The following WWOX variants were observed in gnomAD, a reference collection of about 807,000 sequenced individuals.
WWOX encodes the protein WW domain containing oxidoreductase.
WWOX carries 69 observed loss-of-function variants against 46.2 expected under a neutral mutation model. The observed-to-expected ratio is 1.49, with a 90% CI of 1.23 to 1.82. The LOEUF is 1.82. WWOX is among the 40% of genes most tolerant of loss of function. The pLI is 0.00. For synonymous variants in WWOX, 359 were observed against 202.6 expected, an observed-to-expected ratio of 1.77 and a Z score of -6.56; for missense variants, 919 against 542.6, an observed-to-expected ratio of 1.69 and a Z score of -6.89.
intron 5 of WWOX, among the ~76,000 whole-genome samples, chr16:78,177,417 A>G (rs1384717033): frequency 6.6e-6 from 1 of 152,164 alleles, no homozygotes; most frequent in East Asian, 1.9e-4. Flanking sequence ...GTGTGGTAAG[A>G]GTGATACTCC....
At chr16:78,652,544 TGA>T (rs2046990800) in intron 8 of WWOX, among the ~76,000 whole-genome samples, 1 of 152,168 alleles carries the variant, frequency 6.6e-6, no homozygotes, top group African/African-American at 2.4e-5. Flanking sequence ...CCTCAGCAGT[TGA>T]CTCACCTCTC....
At chr16:78,449,739 A>G (rs2083645867) in intron 8 of WWOX, among the ~76,000 whole-genome samples, 1 of 152,208 alleles carries the variant, frequency 6.6e-6, no homozygotes, top group Non-Finnish European at 1.5e-5. Flanking sequence ...AAAAGAATAA[A>G]CAAACTGGTA....
chr16:78,193,489 T>C (rs527374098), intron 5 of WWOX, among the ~76,000 whole-genome samples: 2 of 22,968 alleles, frequency 8.7e-5, no homozygotes, highest in South Asian at 1.3e-3. Context: ...ACCGGTGGTC[T>C]TTTCAGTGAT....
intron 5 of WWOX, among the ~76,000 whole-genome samples, chr16:78,385,431 G>A (rs76254008): frequency 6.6e-6 from 1 of 152,102 alleles, no homozygotes; most frequent in Non-Finnish European, 1.5e-5. Flanking sequence ...AACATGTATC[G>A]TTACAAACCT....
chr16:78,378,230 G>C (rs958754275), intron 5 of WWOX, among the ~76,000 whole-genome samples: 1 of 151,934 alleles, frequency 6.6e-6, no homozygotes, highest in Non-Finnish European at 1.5e-5. Flanking sequence ...TTTATTAAAA[G>C]CAAAGTGATA....
chr16:78,815,837 C>G (rs2051315099), intron 8 of WWOX, among the ~76,000 whole-genome samples: 1 of 152,210 alleles, frequency 6.6e-6, no homozygotes, highest in Non-Finnish European at 1.5e-5. Context: ...TGAGTCCATG[C>G]TGACATCTGG....
At chr16:78,472,136 G>A (rs2084237704) in intron 8 of WWOX, among the ~76,000 whole-genome samples, 1 of 152,160 alleles carries the variant, frequency 6.6e-6, no homozygotes, top group South Asian at 2.1e-4. Context: ...ACAGGAAAAA[G>A]TAACACAGTA....
intron 8 of WWOX, among the ~76,000 whole-genome samples, chr16:79,146,566 C>T (rs557550115): frequency 2.3e-4 from 35 of 152,224 alleles, no homozygotes; most frequent in African/African-American, 8.2e-4. Context: ...TTTCCTCTCC[C>T]ACACAGGATA....
intron 8 of WWOX, among the ~76,000 whole-genome samples, chr16:79,103,517 A>T (rs62038835): frequency 0.047 from 7,216 of 152,200 alleles, 232 homozygotes; most frequent in South Asian, 0.12. Flanking sequence ...TAGCTGGAGA[A>T]CACCCGTTTC....
chr16:78,618,812 C>A (rs1286394493), intron 8 of WWOX, among the ~76,000 whole-genome samples: 1 of 151,804 alleles, frequency 6.6e-6, no homozygotes, highest in Non-Finnish European at 1.5e-5. Context: ...GCCCTGTGGC[C>A]TGAATTGGTC....
intron 8 of WWOX, among the ~76,000 whole-genome samples, chr16:79,144,926 T>C (rs914573430): frequency 3.9e-5 from 6 of 152,188 alleles, no homozygotes; most frequent in Admixed American, 6.5e-5. Flanking sequence ...TAGGTATGTA[T>C]GTATAGGAAG....
intron 5 of WWOX, among the ~76,000 whole-genome samples, chr16:78,298,932 C>T (rs953944245): frequency 1.3e-5 from 2 of 149,804 alleles, no homozygotes; most frequent in Admixed American, 6.6e-5. Flanking sequence ...GACAAGTGTT[C>T]TTATTTTCCC....
At chr16:78,927,934 C>T (rs2045535630) in intron 8 of WWOX, among the ~76,000 whole-genome samples, 1 of 152,056 alleles carries the variant, frequency 6.6e-6, no homozygotes, top group Non-Finnish European at 1.5e-5. Flanking sequence ...CTTAAGTTTG[C>T]AGAGATTTGT....
At chr16:78,616,035 C>G (rs927940189) in intron 8 of WWOX, among the ~76,000 whole-genome samples, 11 of 152,130 alleles carry the variant, frequency 7.2e-5, no homozygotes, top group African/African-American at 2.2e-4. Flanking sequence ...CAGGCGTGAA[C>G]TACTGTGCCT....
At chr16:79,069,314 T>C (rs943503198) in intron 8 of WWOX, among the ~76,000 whole-genome samples, 1 of 152,188 alleles carries the variant, frequency 6.6e-6, no homozygotes, top group African/African-American at 2.4e-5. Flanking sequence ...TTCGCATTAA[T>C]CACCACCAAG....
chr16:78,102,723 C>T (rs752825522), intron 1 of WWOX, among the ~76,000 whole-genome samples: 1 of 152,186 alleles, frequency 6.6e-6, no homozygotes, highest in Non-Finnish European at 1.5e-5. Context: ...GCTGTGTACT[C>T]CTCCTTGTTG....
rs553066998 is a variant in WWOX at position 79,025,399 on chromosome 16, C to T, written c.1057-186209C>T. 1.1e-4 allele frequency among the ~76,000 whole-genome samples: 17 copies of T among 152,250 alleles called. No homozygotes were observed. The South Asian group carries it at 3.1e-3, about 28-fold the overall frequency. On this transcript the variant is annotated intron_variant, in intron 8 of 8. Transcript: ENST00000566780. ...ATAAGTTCAGTTGAGGATCTCAAAA[C>T]GAGGTCATCTTGGGTGGACCCTAAA...
intron 4 of WWOX, among the ~76,000 whole-genome samples, chr16:78,149,489 C>G (rs556533222): frequency 5.3e-5 from 8 of 152,320 alleles, no homozygotes; most frequent in South Asian, 2.1e-4. Flanking sequence ...CAATGCATCA[C>G]TGTCTGGGAA....
chr16:78,483,607 C>A (rs2084551995), intron 8 of WWOX, among the ~76,000 whole-genome samples: 1 of 152,076 alleles, frequency 6.6e-6, no homozygotes, highest in Non-Finnish European at 1.5e-5. Context: ...CCTTTGACCC[C>A]CTTCACATAC....
Sources: gnomAD v4.1 joint callset for allele counts (sites outside exome capture counted in the v4.1 genomes callset) on GRCh38, gnomAD v4.1.1 for gene constraint, MANE v1.5 for transcripts, NCBI Gene and HGNC (gene_info 2026-07-23, HGNC 2026-07-21) for gene names.